BLTP1: variants seen among roughly 807,000 people sequenced by gnomAD.
BLTP1 encodes fragile site-associated protein.
the BLTP1 span, among the ~76,000 whole-genome samples, chr4:122,173,560 G>A: frequency 7.2e-5 from 11 of 152,128 alleles, no homozygotes; most frequent in East Asian, 3.8e-4. Flanking sequence ...AAGTTTCAAC[G>A]TGAGTTTTAG....
the BLTP1 span, chr4:122,345,181 T>C: frequency 4.4e-5 from 13 of 295,062 alleles, no homozygotes; most frequent in Admixed American, 6.5e-5. Flanking sequence ...TACCTGAGAT[T>C]GCTAGGTGAT....
At chr4:122,307,860 A>C in the BLTP1 span, 12 of 1,527,404 alleles carry the variant, frequency 7.9e-6, no homozygotes, top group Non-Finnish European at 1.0e-5. Context: ...ATTAAGCAAC[A>C]GGATTTTGCA....
the BLTP1 span, among the ~76,000 whole-genome samples, chr4:122,330,022 T>C: frequency 6.6e-6 from 1 of 151,864 alleles, no homozygotes; most frequent in Non-Finnish European, 1.5e-5. Context: ...CATAATGTCC[T>C]CAAGTTCATA....
the BLTP1 span, chr4:122,226,794 A>G: frequency 1.9e-6 from 3 of 1,613,164 alleles, no homozygotes; most frequent in Non-Finnish European, 2.5e-6. Flanking sequence ...ATCAGTTATA[A>G]TATGTCAGCA....
At chr4:122,325,310 T>A in the BLTP1 span, 6 of 1,607,406 alleles carry the variant, frequency 3.7e-6, no homozygotes, top group Non-Finnish European at 5.1e-6. Context: ...ACTTTTAATA[T>A]CCAGGATACA....
chr4:122,209,055 C>A, the BLTP1 span: 36 of 1,149,718 alleles, frequency 3.1e-5, no homozygotes, highest in East Asian at 1.9e-4. Context: ...AATTTTCTTT[C>A]AAACTTATTT....
At chr4:122,315,351 G>A in the BLTP1 span, 5 of 1,381,246 alleles carry the variant, frequency 3.6e-6, no homozygotes, top group Non-Finnish European at 5.0e-6. Context: ...TTTCTGACAA[G>A]TTTAGCAGTG....
chr4:122,323,128 G>A, the BLTP1 span, among the ~76,000 whole-genome samples: 2 of 152,074 alleles, frequency 1.3e-5, no homozygotes, highest in African/African-American at 4.8e-5. Flanking sequence ...CAGTTCAGGT[G>A]TTCCTACCCC....
At chr4:122,291,816 C>T in the BLTP1 span, 1 of 978,172 alleles carries the variant, frequency 1.0e-6, no homozygotes, top group Non-Finnish European at 1.2e-6. Context: ...GTTCCATAAG[C>T]TAAAATTATT....
chr4:122,327,994 G>C, the BLTP1 span: 1 of 855,898 alleles, frequency 1.2e-6, no homozygotes, highest in South Asian at 2.8e-5. Flanking sequence ...TTTCAGTTCA[G>C]AGTGAAGAAA....
chr4:122,235,580 C>A, the BLTP1 span: 2 of 453,322 alleles, frequency 4.4e-6, no homozygotes, highest in African/African-American at 2.1e-5. Flanking sequence ...CCAAGGTGGG[C>A]GGATCACGAG....
the BLTP1 span, chr4:122,215,437 T>C: frequency 2.0e-6 from 2 of 985,444 alleles, no homozygotes; most frequent in Non-Finnish European, 2.4e-6. Context: ...TGTTGGTACA[T>C]GTTAGTATGC....
chr4:122,253,715 A>G, the BLTP1 span, among the ~76,000 whole-genome samples: 1 of 152,192 alleles, frequency 6.6e-6, no homozygotes, highest in African/African-American at 2.4e-5. Flanking sequence ...GTAGAGAAAG[A>G]CGGGTGGAAA....
At chr4:122,177,273 T>C in the BLTP1 span, among the ~76,000 whole-genome samples, 6 of 152,306 alleles carry the variant, frequency 3.9e-5, no homozygotes, top group Non-Finnish European at 8.8e-5. Context: ...TCAAATCTTG[T>C]CAGCTTTCCT....
the BLTP1 span, chr4:122,263,198 T>C: frequency 2.0e-6 from 2 of 985,070 alleles, no homozygotes; most frequent in African/African-American, 3.5e-5. Flanking sequence ...CTCTGACGAA[T>C]GTCAATGTAG....
the BLTP1 span, chr4:122,231,926 C>T: frequency 2.7e-6 from 2 of 749,000 alleles, no homozygotes; most frequent in Non-Finnish European, 3.3e-6. Context: ...TGACATATAT[C>T]CGAGTATGAA....
the BLTP1 span, among the ~76,000 whole-genome samples, chr4:122,160,681 T>C: frequency 6.6e-6 from 1 of 152,232 alleles, no homozygotes; most frequent in Non-Finnish European, 1.5e-5. Flanking sequence ...CTTGAAACTT[T>C]ATTTTGAATA....
the BLTP1 span, chr4:122,206,005 T>A: frequency 2.0e-6 from 2 of 984,486 alleles, no homozygotes; most frequent in African/African-American, 1.7e-5. Context: ...AGTGCTAATG[T>A]CTTTAAAGAG....
At chr4:122,347,855 C>T in the BLTP1 span, 5 of 1,042,240 alleles carry the variant, frequency 4.8e-6, no homozygotes, top group South Asian at 2.2e-5. Context: ...CAGATTTCAG[C>T]CCTAACTATA....
Sources: allele counts gnomAD v4.1 joint callset (sites outside exome capture counted in the v4.1 genomes callset), GRCh38; gene constraint gnomAD v4.1.1; transcripts MANE v1.5; gene names NCBI Gene and HGNC (gene_info 2026-07-23, HGNC 2026-07-21).